COL25A1: variants seen among roughly 807,000 people sequenced by gnomAD.
The protein encoded by COL25A1 is collagen type XXV alpha 1 chain, also known as collagen alpha-1(XXV) chain.
In COL25A1, 103 loss-of-function variants were observed where a neutral mutation model predicts 128.4. That is an observed-to-expected ratio of 0.80 (90% CI 0.68 to 0.94). The LOEUF (loss-of-function observed/expected upper bound fraction) is 0.94, where lower values mean the gene tolerates loss of function less well. Ranked by LOEUF, COL25A1 falls within the 40% of genes least tolerant of loss-of-function variation. The pLI is 0.00. For synonymous variants in COL25A1, 279 were observed against 277.2 expected, an observed-to-expected ratio of 1.01 and a Z score of -0.06; for missense variants, 745 against 840.0, an observed-to-expected ratio of 0.89 and a Z score of 1.40.
intron 3 of COL25A1, among the ~76,000 whole-genome samples, chr4:109,083,548 C>T (rs1301729974): frequency 1.4e-5 from 2 of 146,320 alleles, no homozygotes; most frequent in African/African-American, 2.5e-5. Context: ...CTGCAAGCTC[C>T]GCCTCCCGGG....
At chr4:108,970,308 G>A (rs924002814) in intron 8 of COL25A1, among the ~76,000 whole-genome samples, 5 of 152,078 alleles carry the variant, frequency 3.3e-5, no homozygotes, top group Middle Eastern at 3.2e-3. Flanking sequence ...TGCCTACCAC[G>A]CTAGACATTC....
intron 3 of COL25A1, among the ~76,000 whole-genome samples, chr4:109,260,656 C>A (rs1315322221): frequency 6.6e-6 from 1 of 152,062 alleles, no homozygotes; most frequent in African/African-American, 2.4e-5. Flanking sequence ...CCACCATGCC[C>A]AGCTAATTTT....
intron 3 of COL25A1, among the ~76,000 whole-genome samples, chr4:109,052,588 A>ATAC (rs2125946661): frequency 6.6e-6 from 1 of 152,326 alleles, no homozygotes; most frequent in East Asian, 1.9e-4. Context: ...AGGGAGCATT[A>ATAC]TACTGACCTT....
intron 6 of COL25A1, among the ~76,000 whole-genome samples, chr4:109,000,863 C>T (rs1306300077): frequency 7.2e-6 from 1 of 138,872 alleles, no homozygotes; most frequent in African/African-American, 2.6e-5. Context: ...ATAGAAGAAG[C>T]AGCATTCAAA....
intron 3 of COL25A1, among the ~76,000 whole-genome samples, chr4:109,209,705 T>C (rs1777337427): frequency 6.6e-6 from 1 of 152,132 alleles, no homozygotes; most frequent in Non-Finnish European, 1.5e-5. Flanking sequence ...GTATATAATG[T>C]CCCCACTGTT....
At chr4:108,965,925 T>C (rs1210136428) in intron 8 of COL25A1, among the ~76,000 whole-genome samples, 2 of 152,226 alleles carry the variant, frequency 1.3e-5, no homozygotes, top group Non-Finnish European at 2.9e-5. Context: ...TTCATCCATC[T>C]GGTTATCCTG....
intron 3 of COL25A1, among the ~76,000 whole-genome samples, chr4:109,135,547 T>C (rs1769653101): frequency 6.6e-6 from 1 of 152,176 alleles, no homozygotes. Flanking sequence ...TCCTTCTGAA[T>C]GTGCTGTCAA....
intron 6 of COL25A1, among the ~76,000 whole-genome samples, chr4:108,976,664 A>G (rs985388377): frequency 2.0e-5 from 3 of 152,278 alleles, no homozygotes; most frequent in Non-Finnish European, 4.4e-5. Context: ...CTAGCAAAGT[A>G]CCCCATCCTA....
chr4:109,193,361 T>C (rs567489380), intron 3 of COL25A1, among the ~76,000 whole-genome samples: 9 of 152,246 alleles, frequency 5.9e-5, no homozygotes, highest in African/African-American at 1.9e-4. Flanking sequence ...AATTAAGTAA[T>C]TGTTAGTGTG....
At chr4:108,863,416 G>T (rs1256636545) in intron 20 of COL25A1, 29 bp from the exon 21 acceptor site, 1 of 1,591,188 alleles carries the variant, frequency 6.3e-7, no homozygotes. Flanking sequence ...CAGGTAAATG[G>T]TCATTCCCCC....
chr4:108,964,771 T>C (rs867099834), intron 8 of COL25A1, among the ~76,000 whole-genome samples: 4 of 152,196 alleles, frequency 2.6e-5, no homozygotes, highest in Non-Finnish European at 5.9e-5. Flanking sequence ...GGTTGAAGTA[T>C]GACACAGAAC....
intron 24 of COL25A1, among the ~76,000 whole-genome samples, chr4:108,855,195 T>TG (rs1736339535): frequency 2.0e-5 from 3 of 147,582 alleles, no homozygotes; most frequent in African/African-American, 5.0e-5. Flanking sequence ...GTTACTGTTT[T>TG]TTTTTTTTAT....
chr4:108,920,714 T>C (rs541560874), intron 11 of COL25A1, 110 bp from the exon 12 acceptor site: 2 of 658,304 alleles, frequency 3.0e-6, no homozygotes, highest in South Asian at 7.5e-5. Flanking sequence ...CTGAAATATG[T>C]TGACATTTCA....
chr4:109,206,541 C>A (rs1055279526), intron 3 of COL25A1, among the ~76,000 whole-genome samples: 4 of 152,162 alleles, frequency 2.6e-5, no homozygotes, highest in African/African-American at 9.7e-5. Context: ...ACTTTTGGTA[C>A]TGAAGGACCA....
At chr4:108,996,286 TG>T (rs751768097) in intron 6 of COL25A1, among the ~76,000 whole-genome samples, 289 of 13,362 alleles carry the variant, frequency 0.022, 26 homozygotes, top group East Asian at 0.13. Flanking sequence ...ACCAAGCAAA[TG>T]GGAAAAAAAA....
intron 4 of COL25A1, among the ~76,000 whole-genome samples, chr4:109,048,497 T>G (rs1227655139): frequency 2.0e-5 from 3 of 152,206 alleles, no homozygotes; most frequent in Non-Finnish European, 4.4e-5. Flanking sequence ...GTATGAATTA[T>G]GAGAATATTT....
chr4:108,829,459 T>A (rs1732825176), intron 32 of COL25A1, among the ~76,000 whole-genome samples: 6 of 152,028 alleles, frequency 3.9e-5, no homozygotes, highest in Admixed American at 3.9e-4. Context: ...TGTGTGTGTG[T>A]GTGCGCCCAC....
chr4:109,176,135 T>A (rs190946794), intron 3 of COL25A1, among the ~76,000 whole-genome samples: 415 of 152,322 alleles, frequency 2.7e-3, no homozygotes, highest in Non-Finnish European at 4.5e-3. Context: ...ACATAAAAGC[T>A]AGAGAGGGCA....
rs368284407 is a variant in COL25A1 at position 108,832,392 on chromosome 4, G to A, written c.1698C>T (p.Pro566=). ...AGCAACAACTTACTCTTTCTCCTTT[G>A]GGACCTGCAGGGCCATGGGGTCCCA... ...GPMGPHGPAG[P]KGERGEKGAM... is the part of the protein sequence containing the mutation. The change falls in exon 32 of 38, where the codon CCC becomes CCT. Residue 566 remains proline, a synonymous_variant. Coordinates refer to ENST00000399132, the MANE Select transcript of COL25A1 (RefSeq NM_198721.4). 3 of 1,610,564 alleles carry A rather than the reference G, an allele frequency of 1.9e-6. No individual in the cohort carries two copies. Among genetic ancestry groups the A allele is most frequent in the Non-Finnish European group, 2.5e-6 (3 of 1,178,054 alleles).
Sources: allele counts gnomAD v4.1 joint callset (sites outside exome capture counted in the v4.1 genomes callset), GRCh38; gene constraint gnomAD v4.1.1; transcripts MANE v1.5; gene names NCBI Gene and HGNC (gene_info 2026-07-23, HGNC 2026-07-21).